The following EXOC6 variants were observed in gnomAD, a reference collection of about 807,000 sequenced individuals.
The protein encoded by EXOC6 is SEC15-like 1.
A neutral mutation model predicts 112.5 loss-of-function variants in EXOC6; 60 were observed. That is an observed-to-expected ratio of 0.53 (90% CI 0.43 to 0.66). The LOEUF is 0.66. EXOC6 is among the 30% of genes least tolerant of loss of function. EXOC6 has a pLI of 0.00. For missense variants in EXOC6, 855 were observed against 957.1 expected (o/e 0.89, Z 1.41); for synonymous variants, 295 against 308.0 (o/e 0.96, Z 0.44).
At chr10:92,835,324 T>G (rs1846629226) in intron 1 of EXOC6, among the ~76,000 whole-genome samples, 1 of 152,200 alleles carries the variant, frequency 6.6e-6, no homozygotes, top group Non-Finnish European at 1.5e-5. Flanking sequence ...TTTTTAACAT[T>G]TTCTTGAATA....
chr10:93,049,897 TG>T (rs1393215404), intron 20 of EXOC6, among the ~76,000 whole-genome samples: 3 of 152,190 alleles, frequency 2.0e-5, no homozygotes, highest in Non-Finnish European at 4.4e-5. Flanking sequence ...GATTCCCATT[TG>T]GGGAGTGATT....
At chr10:92,874,877 T>A (rs1848617123) in intron 1 of EXOC6, among the ~76,000 whole-genome samples, 1 of 152,208 alleles carries the variant, frequency 6.6e-6, no homozygotes, top group African/African-American at 2.4e-5. Context: ...ATAGCTTTTA[T>A]ATGTTAGGCA....
intron 17 of EXOC6, among the ~76,000 whole-genome samples, chr10:92,961,671 A>G (rs978881152): frequency 1.3e-5 from 2 of 150,636 alleles, no homozygotes; most frequent in African/African-American, 2.4e-5. Context: ...AGAGACCTCA[A>G]TCCTCATAGA....
intron 20 of EXOC6, among the ~76,000 whole-genome samples, chr10:93,049,157 A>G (rs956501365): frequency 6.6e-6 from 1 of 151,716 alleles, no homozygotes; most frequent in African/African-American, 2.4e-5. Context: ...TCCTAGGTTC[A>G]TGCCATTCTC....
intron 18 of EXOC6, among the ~76,000 whole-genome samples, chr10:92,979,444 C>G (rs1842749919): frequency 6.6e-6 from 1 of 152,184 alleles, no homozygotes; most frequent in African/African-American, 2.4e-5. Context: ...ATTTTGTTCT[C>G]TGCTCACAGG....
chr10:92,991,799 A>C (rs1589990919), intron 18 of EXOC6, among the ~76,000 whole-genome samples: 2 of 151,910 alleles, frequency 1.3e-5, no homozygotes, highest in Admixed American at 1.3e-4. Flanking sequence ...TTACTGTCTC[A>C]TACCCTTATG....
At chr10:92,860,452 C>T (rs939520931) in intron 1 of EXOC6, among the ~76,000 whole-genome samples, 5 of 151,810 alleles carry the variant, frequency 3.3e-5, no homozygotes, top group South Asian at 2.1e-4. Flanking sequence ...TTAGTAGAGA[C>T]GGGGTTTCAC....
intron 20 of EXOC6, among the ~76,000 whole-genome samples, chr10:93,048,550 C>T (rs1846114627): frequency 6.6e-6 from 1 of 151,788 alleles, no homozygotes; most frequent in Non-Finnish European, 1.5e-5. Context: ...AACTAACCTG[C>T]ACATTGTGCA....
intron 20 of EXOC6, among the ~76,000 whole-genome samples, chr10:93,036,258 C>T (rs1483170332): frequency 2.6e-5 from 4 of 151,954 alleles, no homozygotes; most frequent in Non-Finnish European, 4.4e-5. Flanking sequence ...TCTTATTTTC[C>T]CCTCCTCTTC....
intron 18 of EXOC6, among the ~76,000 whole-genome samples, chr10:92,975,456 C>A (rs1456101406): frequency 6.7e-6 from 1 of 150,278 alleles, no homozygotes; most frequent in African/African-American, 2.5e-5. Context: ...CCGGCAGCCG[C>A]CCCGTCCGGG....
At chr10:93,025,533 C>G (rs1274612006) in intron 20 of EXOC6, among the ~76,000 whole-genome samples, 2 of 152,068 alleles carry the variant, frequency 1.3e-5, no homozygotes, top group African/African-American at 2.4e-5. Context: ...TTTCTTCTTC[C>G]AAATATAATC....
intron 1 of EXOC6, among the ~76,000 whole-genome samples, chr10:92,836,732 T>C (rs535188582): frequency 7.9e-5 from 12 of 152,294 alleles, no homozygotes; most frequent in Non-Finnish European, 1.8e-4. Context: ...TTTGATGCCT[T>C]TCCATACATA....
upstream of EXOC6, chr10:92,848,448 C>CCCCCCCCA: frequency 3.9e-6 from 4 of 1,033,830 alleles, no homozygotes; most frequent in Non-Finnish European, 4.9e-6. Flanking sequence ...GCCCCCGCCC[C>CCCCCCCCA]GCCCCTTCGC....
chr10:93,017,767 T>A (rs1275133885), intron 20 of EXOC6, among the ~76,000 whole-genome samples: 1 of 151,578 alleles, frequency 6.6e-6, no homozygotes, highest in Non-Finnish European at 1.5e-5. Context: ...ATCCCAGCAC[T>A]TTGGGAGGCT....
chr10:92,916,195 C>T (rs1182892863), intron 7 of EXOC6, among the ~76,000 whole-genome samples: 11 of 145,620 alleles, frequency 7.6e-5, no homozygotes, highest in South Asian at 4.3e-4. Context: ...GACAGCTAGC[C>T]GCTTACATGT....
At chr10:93,037,957 G>C (rs1382444986) in intron 20 of EXOC6, among the ~76,000 whole-genome samples, 2 of 148,592 alleles carry the variant, frequency 1.3e-5, no homozygotes, top group Non-Finnish European at 3.0e-5. Flanking sequence ...GGAGAATGGC[G>C]TGAACCCGGG....
intron 5 of EXOC6, among the ~76,000 whole-genome samples, chr10:92,904,197 A>G (rs1196596565): frequency 6.6e-6 from 1 of 152,116 alleles, no homozygotes; most frequent in Non-Finnish European, 1.5e-5. Flanking sequence ...TAGTTTATCC[A>G]TTCACCTTTG....
intron 20 of EXOC6, among the ~76,000 whole-genome samples, chr10:93,041,280 A>G (rs759773513): frequency 3.9e-5 from 6 of 152,160 alleles, no homozygotes; most frequent in East Asian, 1.9e-4. Context: ...GTCTGTCCCA[A>G]TGTATTTTAA....
intron 18 of EXOC6, among the ~76,000 whole-genome samples, chr10:92,982,744 G>A (rs764799775): frequency 6.6e-6 from 1 of 152,026 alleles, no homozygotes; most frequent in Non-Finnish European, 1.5e-5. Context: ...CCCTTTTAAG[G>A]TGTTTCTCTT....
Sources: allele counts gnomAD v4.1 joint callset (sites outside exome capture counted in the v4.1 genomes callset), GRCh38; gene constraint gnomAD v4.1.1; transcripts MANE v1.5; gene names NCBI Gene and HGNC (gene_info 2026-07-23, HGNC 2026-07-21).